The following ZPBP variants were observed in gnomAD, a reference collection of about 807,000 sequenced individuals.
The protein encoded by ZPBP is zona pellucida-binding protein 1.
A neutral mutation model predicts 44.8 loss-of-function variants in ZPBP; 26 were observed. That is an observed-to-expected ratio of 0.58 (90% confidence interval 0.43 to 0.81). ZPBP has a LOEUF of 0.81. ZPBP is among the 30% of genes least tolerant of loss of function. The pLI, the probability that ZPBP is intolerant of heterozygous loss-of-function variation, is 0.00. For synonymous variants in ZPBP, 174 were observed against 153.2 expected (o/e 1.14, Z -1.00); for missense variants, 409 against 434.0 (o/e 0.94, Z 0.51).
the ZPBP span, among the ~76,000 whole-genome samples, chr7:49,843,388 A>G: frequency 1.3e-5 from 2 of 152,228 alleles, no homozygotes; most frequent in African/African-American, 4.8e-5. Context: ...AGTGAGGCCC[A>G]TGGACGTATT....
Position 49,888,738 on chromosome 7 carries a change from C to T in ZPBP, n.509+12380G>A, listed in dbSNP as rs140794071. On this transcript the variant is annotated intron_variant and non_coding_transcript_variant, in intron 2 of 2. Transcript: ENST00000465922. ...TTAGCCTGGCCAACATGGTAAAACC[C>T]CGTTTCTACTAAAAATACAAAAATT... Among the ~76,000 whole-genome samples, 1,039 of 152,212 alleles carry T rather than the reference C, an allele frequency of 6.8e-3. 8 individuals are homozygous for T. Among genetic ancestry groups the T allele is most frequent in the Middle Eastern group, 0.027 (8 of 294 alleles).
At chr7:50,012,456 C>T (rs1798633094) in intron 6 of ZPBP, among the ~76,000 whole-genome samples, 1 of 151,374 alleles carries the variant, frequency 6.6e-6, no homozygotes, top group African/African-American at 2.4e-5. Flanking sequence ...CACTATAGTC[C>T]AAATATCAAA....
chr7:50,003,847 A>G (rs187714413), intron 6 of ZPBP, among the ~76,000 whole-genome samples: 30 of 152,298 alleles, frequency 2.0e-4, no homozygotes, highest in African/African-American at 6.3e-4. Flanking sequence ...TTCCACAGAT[A>G]AAAATAAATC....
In ZPBP at chr7:49,855,077, A is replaced by T. The variant is rs368948607; in HGVS notation, n.510-4563T>A. On this transcript the variant is annotated intron_variant and non_coding_transcript_variant, in intron 2 of 2. Transcript: ENST00000465922. ...TTCTATATTTGAAAATCGAAAAATA[A>T]ATATTTTCCTTGGTACAGCTGTGAA... Among the ~76,000 whole-genome samples the T allele has an allele frequency of 1.5e-3, 236 of 152,316 alleles. 3 individuals are homozygous for T. The highest frequency in any genetic ancestry group is 5.4e-3 in the African/African-American group (226 of 41,570).
Position 50,009,226 on chromosome 7 carries a change from C to T in ZPBP, c.783+9014G>A, listed in dbSNP as rs1219723226. Among the ~76,000 whole-genome samples the T allele has an allele frequency of 2.8e-5, 3 of 107,484 alleles. No individual in the cohort carries two copies. In the East Asian group the frequency reaches 9.1e-4, roughly 33 times the overall value. The allele number at this position is 107,484 out of a possible 152,430, so 70.5% of individuals were successfully genotyped here. A position where few individuals can be genotyped will look rare whatever the true frequency, so the allele number is the denominator to read the frequency against. On this transcript the variant is annotated intron_variant, in intron 6 of 7. Transcript: ENST00000046087. ...CACTCCAGCCTGGGTGACAGAAAGA[C>T]TCTGTCTCAAAAAAAAAAAAAAAAG...
chr7:49,871,908 AACACACACAC>A (rs72332840), intron 2 of ZPBP, among the ~76,000 whole-genome samples: 11,810 of 87,812 alleles, frequency 0.13, 1,002 homozygotes, highest in South Asian at 0.19. Context: ...TGTGTATATA[AACACACACAC>A]ACACACACAC....
chr7:49,861,115 G>C (rs920961457), intron 2 of ZPBP, among the ~76,000 whole-genome samples: 1 of 152,092 alleles, frequency 6.6e-6, no homozygotes, highest in African/African-American at 2.4e-5. Flanking sequence ...AATGGACAAG[G>C]GTTTCAATTT....
intron 1 of ZPBP, among the ~76,000 whole-genome samples, chr7:49,927,519 G>A (rs552697267): frequency 6.6e-6 from 1 of 152,158 alleles, no homozygotes; most frequent in Non-Finnish European, 1.5e-5. Flanking sequence ...GGAAGGGAGA[G>A]TTCTAGGGGC....
intron 2 of ZPBP, among the ~76,000 whole-genome samples, chr7:50,085,821 T>C (rs962509140): frequency 6.6e-6 from 1 of 152,112 alleles, no homozygotes; most frequent in African/African-American, 2.4e-5. Flanking sequence ...CACAGGAACT[T>C]TGACTTGTTC....
chr7:49,955,398 A>G (rs969333362), intron 7 of ZPBP, among the ~76,000 whole-genome samples: 8 of 152,090 alleles, frequency 5.3e-5, no homozygotes, highest in African/African-American at 1.7e-4. Flanking sequence ...CTCTACTAAA[A>G]AAACAAAAAT....
chr7:49,929,572 C>T (rs184118484), intron 1 of ZPBP, among the ~76,000 whole-genome samples: 171 of 152,348 alleles, frequency 1.1e-3, no homozygotes, highest in Middle Eastern at 3.4e-3. Context: ...CTCACTGTAT[C>T]ATGTCCACCT....
At chr7:49,967,838 A>C (rs1197747195) in intron 7 of ZPBP, among the ~76,000 whole-genome samples, 3 of 152,076 alleles carry the variant, frequency 2.0e-5, no homozygotes, top group Non-Finnish European at 4.4e-5. Flanking sequence ...GGCTGGGATG[A>C]GATTTTTGAA....
chr7:49,990,900 A>G (rs1367621023), intron 6 of ZPBP, among the ~76,000 whole-genome samples: 1 of 152,334 alleles, frequency 6.6e-6, no homozygotes, highest in East Asian at 1.9e-4. Flanking sequence ...TAGTCTAACA[A>G]GAAGGCAGCA....
intron 2 of ZPBP, among the ~76,000 whole-genome samples, chr7:49,874,197 C>G (rs991368776): frequency 1.3e-5 from 2 of 152,166 alleles, no homozygotes; most frequent in East Asian, 1.9e-4. Flanking sequence ...CACACACACA[C>G]AGTCATGTGC....
In ZPBP at chr7:50,024,324, T is replaced by A. The variant is rs150204944; in HGVS notation, c.707-6008A>T. On this transcript the variant is annotated intron_variant, in intron 5 of 7. Transcript: ENST00000046087. ...CTTCTGGGTACATATCCAAAAGAAA[T>A]GAAACCACAACCTCATACATTTATC... 2.8e-3 allele frequency among the ~76,000 whole-genome samples: 423 copies of A among 152,066 alleles called. 3 individuals carry two copies. Among genetic ancestry groups the A allele is most frequent in the African/African-American group, 9.4e-3 (392 of 41,532 alleles).
intron 2 of ZPBP, among the ~76,000 whole-genome samples, chr7:49,892,012 G>C (rs1025090115): frequency 1.4e-5 from 2 of 145,916 alleles, no homozygotes; most frequent in Admixed American, 6.9e-5. Context: ...GAATGCAGTT[G>C]GCAGAACAGA....
At chr7:50,073,662 A>C (rs912678064) in intron 3 of ZPBP, among the ~76,000 whole-genome samples, 1 of 152,118 alleles carries the variant, frequency 6.6e-6, no homozygotes, top group Non-Finnish European at 1.5e-5. Flanking sequence ...GCAGAAAGAA[A>C]AAACAAATAA....
chr7:50,043,567 A>G (rs912331512), intron 4 of ZPBP, among the ~76,000 whole-genome samples: 4 of 152,360 alleles, frequency 2.6e-5, no homozygotes, highest in Non-Finnish European at 5.9e-5. Context: ...AAAAATATCA[A>G]AAAAGACAAA....
chr7:49,985,972 CT>C (rs958924263), intron 6 of ZPBP, among the ~76,000 whole-genome samples: 3 of 151,978 alleles, frequency 2.0e-5, no homozygotes, highest in South Asian at 2.1e-4. Flanking sequence ...GGCAGAACCC[CT>C]TTTTTTTCAC....
Sources: gnomAD v4.1 joint callset for allele counts (sites outside exome capture counted in the v4.1 genomes callset) on GRCh38, gnomAD v4.1.1 for gene constraint, MANE v1.5 for transcripts, NCBI Gene and HGNC (gene_info 2026-07-23, HGNC 2026-07-21) for gene names.